Variants in FAM124A observed in about 807,000 individuals in gnomAD.
FAM124A encodes family with sequence similarity 124 member A, also known as protein FAM124A.
FAM124A carries 23 observed loss-of-function variants against 24.5 expected under a neutral mutation model. The observed-to-expected ratio is 0.94, with a 90% CI of 0.68 to 1.33. The LOEUF is 1.33. FAM124A is among the 40% of genes most tolerant of loss of function. FAM124A has a pLI of 0.00. For synonymous variants in FAM124A, 287 were observed against 314.7 expected (o/e 0.91, Z 0.93); for missense variants, 623 against 722.8 (o/e 0.86, Z 1.58).
rs1277965554 is a variant in FAM124A, at chr13:51,231,396, CA to C, written c.100+18del. 1 of 1,613,580 alleles carries C rather than the reference CA, an allele frequency of 6.2e-7. No homozygotes were observed. Among genetic ancestry groups the C allele is most frequent in the Non-Finnish European group, 8.5e-7 (1 of 1,179,870 alleles). Reference sequence around the variant, plus strand: ...CCACGAGCAGTAAGTATCTTTTAAACATCCTTCAGCATTGTCTAACGGTCCC... The same window carrying C: ...CCACGAGCAGTAAGTATCTTTTAAACTCCTTCAGCATTGTCTAACGGTCCC... On this transcript the variant is annotated intron_variant, in intron 2 of 3. Transcript: ENST00000322475.
intron 2 of FAM124A, chr13:51,245,405 A>G: frequency 1.5e-6 from 1 of 661,814 alleles, no homozygotes; most frequent in Admixed American, 2.2e-5. Flanking sequence ...CAGGTTGAAC[A>G]TACCTGGCCC....
At chr13:51,231,448 ATGTG>A in intron 2 of FAM124A, 69 bp downstream of exon 2, 1 of 1,506,400 alleles carries the variant, frequency 6.6e-7, no homozygotes. Context: ...CCTAGAGGCC[ATGTG>A]TGTACATGGT....
In FAM124A at chr13:51,281,928, G is replaced by T. The variant is rs1432194789; in HGVS notation, c.*672G>T. 6.6e-6 allele frequency: 1 copy of T among 152,128 alleles called. No individual in the cohort carries two copies. Among genetic ancestry groups the T allele is most frequent in the Non-Finnish European group, 1.5e-5 (1 of 68,028 alleles). The allele number at this position is 152,128 out of a possible 1,614,324, so 9.4% of individuals were successfully genotyped here. The stretch of plus-strand genomic sequence containing the variant: ...GATTTAGCATGAGTAACAGACTCTT[G>T]GTGCATTTAAAATATGTGAGTTCCA... On this transcript the variant is annotated 3_prime_UTR_variant, in exon 4 of 4. Transcript: ENST00000322475.
At chr13:51,238,342 T>C (rs539968656) in intron 2 of FAM124A, among the ~76,000 whole-genome samples, 32 of 152,334 alleles carry the variant, frequency 2.1e-4, no homozygotes, top group Middle Eastern at 3.4e-3. Context: ...GTAAGTTGTA[T>C]GTACTGAAAG....
intron 1 of FAM124A, 78 bp downstream of exon 1, chr13:51,222,647 T>C: frequency 1.7e-6 from 2 of 1,171,390 alleles, no homozygotes; most frequent in South Asian, 4.3e-5. Flanking sequence ...ACGGGGACCC[T>C]CCTGATCCGT....
intron 3 of FAM124A, chr13:51,252,449 C>T (rs911134783): frequency 7.4e-5 from 42 of 569,342 alleles, no homozygotes; most frequent in African/African-American, 6.9e-4. Flanking sequence ...TTCCAGCTGC[C>T]CCTTCTGTCC....
At chr13:51,274,410 C>A (rs1954866647) in intron 3 of FAM124A, among the ~76,000 whole-genome samples, 1 of 152,208 alleles carries the variant, frequency 6.6e-6, no homozygotes, top group African/African-American at 2.4e-5. Flanking sequence ...ATCATGTCAG[C>A]ACTCAAAAGG....
intron 3 of FAM124A, among the ~76,000 whole-genome samples, chr13:51,270,796 G>T (rs901670554): frequency 1.4e-4 from 21 of 152,296 alleles, no homozygotes; most frequent in Admixed American, 1.1e-3. Flanking sequence ...TTGTCCTGTG[G>T]GCGGTTAGTT....
Position 51,280,850 on chromosome 13 carries a change from C to T in FAM124A, c.1235C>T (p.Thr412Ile). Residue 412 changes from threonine to isoleucine, a missense_variant, in exon 4 of 4, where the codon ACA becomes ATA. By Grantham distance (89) the Thr-to-Ile change is moderately conservative. Coordinates refer to ENST00000322475, the MANE Select transcript of FAM124A (RefSeq NM_001242312.2). ...SIDDLEGAQE[T>I]DVDTGLRLSS... ...GATGACCTAGAGGGGGCCCAGGAGACAGACGTGGACACAGGCCTGCGGCTG... is the reference window on the plus strand; with the variant it reads ...GATGACCTAGAGGGGGCCCAGGAGATAGACGTGGACACAGGCCTGCGGCTG... 1.2e-6 allele frequency: 2 copies of T among 1,614,160 alleles called. No individual in the cohort carries two copies. The highest frequency in any genetic ancestry group is 1.7e-6 in the Non-Finnish European group (2 of 1,180,034).
intron 2 of FAM124A, among the ~76,000 whole-genome samples, chr13:51,248,074 A>G (rs960788170): frequency 6.6e-6 from 1 of 152,242 alleles, no homozygotes; most frequent in Admixed American, 6.5e-5. Context: ...ATGATCTGAA[A>G]GTAACTGGCC....
intron 2 of FAM124A, among the ~76,000 whole-genome samples, chr13:51,234,500 C>T (rs956052899): frequency 4.6e-5 from 7 of 152,266 alleles, no homozygotes; most frequent in Non-Finnish European, 1.0e-4. Context: ...CCAGTTCCAC[C>T]GTGAATTAGC....
At chr13:51,259,621 G>A (rs568951218) in intron 3 of FAM124A, among the ~76,000 whole-genome samples, 9 of 152,222 alleles carry the variant, frequency 5.9e-5, no homozygotes, top group Non-Finnish European at 1.0e-4. Flanking sequence ...CGGTCTTCCC[G>A]CAGTGAAACG....
intron 2 of FAM124A, among the ~76,000 whole-genome samples, chr13:51,240,146 TATG>T (rs773553148): frequency 6.6e-6 from 1 of 152,228 alleles, no homozygotes; most frequent in Non-Finnish European, 1.5e-5. Context: ...AGCTGAAAAA[TATG>T]ATACAAAAAG....
chr13:51,259,630 C>T (rs759503877), intron 3 of FAM124A, among the ~76,000 whole-genome samples: 2 of 152,134 alleles, frequency 1.3e-5, no homozygotes, highest in African/African-American at 2.4e-5. Flanking sequence ...CGCAGTGAAA[C>T]GCAGTTGTCC....
In FAM124A at chr13:51,260,565, C is replaced by T. The variant is rs116373495; in HGVS notation, c.834+8364C>T. ...GTGTGATCTAATATCTTACTTAACC[C>T]TCAGCATTTCTACCAGCCAGAGACC... is the stretch of plus-strand genomic sequence containing the variant. On this transcript the variant is annotated intron_variant, in intron 3 of 3. Coordinates refer to ENST00000322475, the MANE Select transcript of FAM124A (RefSeq NM_001242312.2). 3.1e-3 allele frequency among the ~76,000 whole-genome samples: 477 copies of T among 152,304 alleles called. 3 individuals carry two copies. The highest frequency in any genetic ancestry group is 0.011 in the African/African-American group (456 of 41,554).
intron 3 of FAM124A, among the ~76,000 whole-genome samples, chr13:51,261,629 A>T (rs1954739619): frequency 6.6e-6 from 1 of 152,192 alleles, no homozygotes; most frequent in Non-Finnish European, 1.5e-5. Flanking sequence ...TTCTGCTCTC[A>T]TTCTTGGAAC....
At chr13:51,237,614 T>A (rs181857281) in intron 2 of FAM124A, among the ~76,000 whole-genome samples, 13 of 152,270 alleles carry the variant, frequency 8.5e-5, no homozygotes, top group African/African-American at 2.9e-4. Context: ...TCCATCTTGG[T>A]GTGTGGCCAT....
At chr13:51,228,448 T>C (rs1209424492) in intron 1 of FAM124A, among the ~76,000 whole-genome samples, 1 of 152,204 alleles carries the variant, frequency 6.6e-6, no homozygotes, top group East Asian at 1.9e-4. Flanking sequence ...TTTTGTATTA[T>C]TCTGCTCTAT....
At chr13:51,233,935 T>C (rs913105) in intron 2 of FAM124A, among the ~76,000 whole-genome samples, 149,680 of 152,312 alleles carry the variant, frequency 0.98, 73,553 homozygotes, top group East Asian at 1. Context: ...CAGTCACAGT[T>C]GAGACTTGGG....
Sources: allele counts gnomAD v4.1 joint callset (sites outside exome capture counted in the v4.1 genomes callset), GRCh38; gene constraint gnomAD v4.1.1; transcripts MANE v1.5; gene names NCBI Gene and HGNC (gene_info 2026-07-23, HGNC 2026-07-21).